LZTS2: variants seen among roughly 807,000 people sequenced by gnomAD.
LZTS2 encodes the protein leucine zipper putative tumor suppressor 2.
A neutral mutation model predicts 60.6 loss-of-function variants in LZTS2; 32 were observed. The ratio of observed to expected loss-of-function variants is 0.53; its 90% CI spans 0.40 to 0.71. LZTS2 has a LOEUF of 0.71. Ranked by LOEUF, LZTS2 falls within the 30% of genes least tolerant of loss-of-function variation. The probability of loss-of-function intolerance (pLI) is 0.00; values close to 1 mark genes in which losing one functional copy is unlikely to be tolerated. For synonymous variants in LZTS2, 360 were observed against 393.1 expected (o/e 0.92, Z 1.00); for missense variants, 792 against 901.9 (o/e 0.88, Z 1.56).
intron 1 of LZTS2, 90 bp from the exon 3 acceptor site, chr10:101,003,417 G>C: frequency 7.3e-7 from 1 of 1,371,770 alleles, no homozygotes; most frequent in African/African-American, 1.4e-5. Flanking sequence ...TATGGGCACT[G>C]GGGACCCAAG....
exon 1 of LZTS2, chr10:101,002,245 G>T: frequency 3.4e-6 from 1 of 293,212 alleles, no homozygotes; most frequent in Non-Finnish European, 6.3e-6. Context: ...GTGGCCCTGC[G>T]GTAATCATCC....
At chr10:101,003,032 A>C in intron 1 of LZTS2, 86 bp downstream of exon 2, 1 of 1,459,326 alleles carries the variant, frequency 6.9e-7, no homozygotes, top group Non-Finnish European at 9.1e-7. Context: ...TATAGAGGAA[A>C]GAGTGTGGGC....
intron 1 of LZTS2, 86 bp from the exon 3 acceptor site, chr10:101,003,421 A>T: frequency 3.6e-6 from 5 of 1,389,454 alleles, no homozygotes; most frequent in Admixed American, 4.9e-5. Flanking sequence ...GGCACTGGGG[A>T]CCCAAGACGG....
exon 1 of LZTS2, chr10:101,000,467 T>G (rs943219613): frequency 2.0e-5 from 3 of 152,426 alleles, no homozygotes; most frequent in South Asian, 4.1e-4. Flanking sequence ...GGCCCGGCTC[T>G]GTGGCACTTT....
At chr10:101,005,480 A>G (rs1349285745) in exon 3 of LZTS2, 2 of 1,571,926 alleles carry the variant, frequency 1.3e-6, no homozygotes, top group Non-Finnish European at 1.7e-6. Flanking sequence ...CGGCAGCGGC[A>G]CTGGCAGCGA....
chr10:101,007,672 A>G, exon 4 of LZTS2: 3 of 1,076,580 alleles, frequency 2.8e-6, no homozygotes, highest in Non-Finnish European at 3.4e-6. Context: ...AAGTCAGACC[A>G]AAGGAAGAAC....
intron 2 of LZTS2, 39 bp downstream of exon 3, chr10:101,004,205 G>A: frequency 1.9e-6 from 3 of 1,562,012 alleles, no homozygotes; most frequent in African/African-American, 1.4e-5. Context: ...GGCATGGCAG[G>A]ACATCCCAAG....
At chr10:101,002,671 C>A (rs767715226) in exon 1 of LZTS2, 2 of 1,609,048 alleles carry the variant, frequency 1.2e-6, no homozygotes, top group Non-Finnish European at 1.7e-6. Flanking sequence ...GCCAGCTCCT[C>A]CCCGCCACCA....
rs1002902102 is a variant in LZTS2, at chr10:101,006,651, C to T, written c.1493C>T (p.Ala498Val). 4.4e-6 allele frequency: 7 copies of T among 1,586,338 alleles called. No homozygotes were observed. The African/African-American group carries it at 8.1e-5, about 18-fold the overall frequency. ...GGCCGTGCGCGGGGTCTACAGGAGG[C>T]CGCCCGAGCTCGGGAGCTGGAGCTG... is the stretch of plus-strand genomic sequence containing the variant. The change falls in exon 4 of 4, where the codon GCC becomes GTC. Residue 498 changes from alanine to valine, a missense_variant. Coordinates refer to ENST00000370220, the Ensembl canonical transcript of LZTS2.
At chr10:101,007,527 C>A (rs909790570) in exon 4 of LZTS2, 4 of 1,335,292 alleles carry the variant, frequency 3.0e-6, no homozygotes, top group Admixed American at 2.2e-5. Context: ...ACATTCCCCC[C>A]GACCCCAAAG....
upstream of LZTS2, among the ~76,000 whole-genome samples, chr10:100,997,563 G>A (rs755633504): frequency 4.0e-4 from 61 of 152,208 alleles, no homozygotes; most frequent in Non-Finnish European, 8.1e-4. Context: ...GCACTCTGCG[G>A]TCGCGTATTG....
chr10:101,007,739 G>A (rs527472651), exon 4 of LZTS2: 4 of 762,598 alleles, frequency 5.2e-6, no homozygotes, highest in East Asian at 1.3e-4. Flanking sequence ...CTTCACCCAG[G>A]TTTATGGCCT....
rs180752012 is a variant in LZTS2 at position 101,004,412 on chromosome 10, A to T, written c.1068+246A>T. Among the ~76,000 whole-genome samples the T allele has an allele frequency of 1.4e-4, 22 of 151,918 alleles. No homozygotes were observed. In the East Asian group the frequency reaches 4.1e-3, roughly 28 times the overall value. ...GCTTGAGCTCGGGAGTTTGAGACCAACCTGGGTAACATGGGGAAACCCCAT... is the reference window on the plus strand; with the variant it reads ...GCTTGAGCTCGGGAGTTTGAGACCATCCTGGGTAACATGGGGAAACCCCAT... On this transcript the variant is annotated intron_variant, in intron 2 of 3. Coordinates refer to ENST00000370220, the Ensembl canonical transcript of LZTS2.
intron 3 of LZTS2, 133 bp from the exon 5 acceptor site, chr10:101,006,352 G>C: frequency 2.8e-6 from 4 of 1,424,850 alleles, no homozygotes; most frequent in Non-Finnish European, 3.7e-6. Context: ...CACTAGACTT[G>C]CTTTAGTGTC....
At position 101,005,463 on chromosome 10, in the gene LZTS2, C is replaced by T. The variant is rs755889021; in HGVS notation, c.1074C>T (p.Tyr358=). ...GTCTCTCTTCTCGCCTGCAGGCATA[C>T]GAGGAGCGGCAGCGGCACTGGCAGC... Residue 358 remains tyrosine (Y), a synonymous_variant, in exon 3 of 4, where the codon TAC becomes TAT. Coordinates refer to ENST00000370220, the Ensembl canonical transcript of LZTS2. 1.7e-5 allele frequency: 26 copies of T among 1,561,906 alleles called. 1 individual carries two copies. In the South Asian group the frequency reaches 2.0e-4, roughly 12 times the overall value.
intron 1 of LZTS2, 110 bp downstream of exon 2, chr10:101,003,056 G>GATTC: frequency 7.5e-7 from 1 of 1,332,552 alleles, no homozygotes; most frequent in African/African-American, 1.5e-5. Flanking sequence ...AGATTCACCA[G>GATTC]ACCTGGGTCC....
rs769291819 is a variant in LZTS2 at position 101,003,478 on chromosome 10, C to T, written c.409-29C>T. 4.0e-6 allele frequency: 6 copies of T among 1,512,124 alleles called. No individual in the cohort carries two copies. In the East Asian group the frequency reaches 1.1e-4, roughly 29 times the overall value. The allele number at this position is 1,512,124 out of a possible 1,614,324, so 93.7% of individuals were successfully genotyped here. On this transcript the variant is annotated intron_variant, in intron 1 of 3. Transcript: ENST00000370220. ...GGCTCTGCAAGATTGGGCAGCTCAT[C>T]TCCAGTGTCACATGGCACCTCATTT...
chr10:101,002,983 C>A, intron 1 of LZTS2, 37 bp downstream of exon 2: 1 of 1,556,588 alleles, frequency 6.4e-7, no homozygotes. Context: ...CTGGGTAGAA[C>A]GGGAGTCCTC....
exon 1 of LZTS2, chr10:101,001,951 C>T (rs983841409): frequency 6.6e-6 from 1 of 152,214 alleles, no homozygotes; most frequent in African/African-American, 2.4e-5. Flanking sequence ...TTAGCCAGAT[C>T]GACAGAGAGG....
Sources: allele counts gnomAD v4.1 joint callset (sites outside exome capture counted in the v4.1 genomes callset), GRCh38; gene constraint gnomAD v4.1.1; transcripts MANE v1.5; gene names NCBI Gene and HGNC (gene_info 2026-07-23, HGNC 2026-07-21).